RBM41: variants seen among roughly 807,000 people sequenced by gnomAD.
RBM41 encodes the protein RNA-binding protein 41.
Under a neutral mutation model 30.8 loss-of-function variants are expected in RBM41, and 14 were observed. The observed-to-expected ratio is 0.45, with a 90% CI of 0.30 to 0.71. The LOEUF (loss-of-function observed/expected upper bound fraction) is 0.71, where lower values mean the gene tolerates loss of function less well. Among genes scored for constraint, RBM41 ranks in the 30% least tolerant of loss-of-function variants. The probability of loss-of-function intolerance (pLI) is 0.08; values close to 1 mark genes in which losing one functional copy is unlikely to be tolerated. For synonymous variants in RBM41, 120 were observed against 110.1 expected (o/e 1.09, Z -0.56); for missense variants, 276 against 326.3 (o/e 0.85, Z 1.19).
In RBM41 at chrX:107,066,036, G is replaced by T. The variant is rs55953509; in HGVS notation, c.*1491C>A. On this transcript the variant is annotated 3_prime_UTR_variant, in exon 8 of 8. Coordinates refer to ENST00000685964, the MANE Select transcript of RBM41 (RefSeq NM_001324242.2). ...CCAGCAACAAATTCTCTTGGTTTTT[G>T]ATTATGTGAGATGTTTTATTTCACG... Among the ~76,000 whole-genome samples, 227 of 111,800 alleles carry T rather than the reference G, an allele frequency of 2.0e-3. No individual in the cohort carries two copies. The highest frequency in any genetic ancestry group is 7.1e-3 in the African/African-American group (220 of 30,837).
At chrX:107,100,182 G>T (rs1018798958) in intron 5 of RBM41, among the ~76,000 whole-genome samples, 1 of 112,134 alleles carries the variant, frequency 8.9e-6, no homozygotes, top group East Asian at 2.8e-4. Context: ...ACATAAATTG[G>T]CCAGGTGTGG....
intron 6 of RBM41, among the ~76,000 whole-genome samples, chrX:107,073,463 GCTA>G (rs1408829564): frequency 3.6e-5 from 4 of 111,989 alleles, no homozygotes; most frequent in Non-Finnish European, 7.5e-5. Context: ...AGTTAGGATG[GCTA>G]CTACTGGAAA....
chrX:107,057,293 AAT>A (rs1475442035), downstream of RBM41, among the ~76,000 whole-genome samples: 1 of 112,041 alleles, frequency 8.9e-6, no homozygotes, highest in African/African-American at 3.2e-5. Flanking sequence ...ATTTAAAAAA[AAT>A]AGATGTTTGC....
the RBM41 span, among the ~76,000 whole-genome samples, chrX:107,055,600 A>T: frequency 1.8e-5 from 2 of 112,806 alleles, no homozygotes; most frequent in African/African-American, 6.4e-5. Context: ...CTGGGATTAC[A>T]GGCGTGAGCC....
Position 107,062,384 on chromosome X carries a change from T to G in RBM41, c.*5143A>C, listed in dbSNP as rs1384427472. On this transcript the variant is annotated 3_prime_UTR_variant, in exon 8 of 8. Coordinates refer to ENST00000685964, the MANE Select transcript of RBM41 (RefSeq NM_001324242.2). ...AAAAGCAGAGGTGAAATTTTCTACC[T>G]AACAGGAAGCACTTCCTTCTAAAAA... is the stretch of plus-strand genomic sequence containing the variant. 9.0e-6 allele frequency among the ~76,000 whole-genome samples: 1 copy of G among 111,613 alleles called. No individual in the cohort carries two copies. Among genetic ancestry groups the G allele is most frequent in the Non-Finnish European group, 1.9e-5 (1 of 53,124 alleles).
intron 6 of RBM41, chrX:107,070,392 T>G: frequency 3.1e-6 from 1 of 327,250 alleles, no homozygotes; most frequent in South Asian, 2.7e-5. Flanking sequence ...GTAAGAAAGA[T>G]TTTGGAAGTC....
At position 107,066,713 on chromosome X, in the gene RBM41, A is replaced by G. The variant is rs1049969106; in HGVS notation, c.*814T>C. The G allele has an allele frequency of 1.3e-6, 1 of 751,301 alleles. No individual in the cohort carries two copies. Among genetic ancestry groups the G allele is most frequent in the Admixed American group, 8.9e-5 (1 of 11,259 alleles). 61.9% of individuals were successfully genotyped at this position (751,301 alleles called of 1,213,427 possible). ...ATTTTCCAGCAACCATAAACAAACA[A>G]CTGGGGGATTTGTGACTGGCATCCT... On this transcript the variant is annotated 3_prime_UTR_variant, in exon 8 of 8. Transcript: ENST00000685964.
intron 5 of RBM41, among the ~76,000 whole-genome samples, chrX:107,111,853 G>A (rs1280803274): frequency 1.8e-5 from 2 of 111,310 alleles, no homozygotes; most frequent in Non-Finnish European, 3.8e-5. Context: ...GTAGGATGGT[G>A]GTTGCCAGAG....
At chrX:107,081,918 T>C (rs1221300136) in intron 6 of RBM41, among the ~76,000 whole-genome samples, 2 of 112,092 alleles carry the variant, frequency 1.8e-5, no homozygotes, top group East Asian at 5.5e-4. Flanking sequence ...GTTTTTTGGC[T>C]GATTCTTTGG....
At chrX:107,084,115 CTTGTTTCCT>C (rs1921803872) in intron 6 of RBM41, among the ~76,000 whole-genome samples, 1 of 86,899 alleles carries the variant, frequency 1.2e-5, no homozygotes, top group African/African-American at 5.0e-5. Flanking sequence ...TTTTGTCTCC[CTTGTTTCCT>C]TTGGATTTAC....
chrX:107,115,850 T>C lies in RBM41; in HGVS notation c.318+12A>G. 2.6e-6 allele frequency: 3 copies of C among 1,162,761 alleles called. No homozygotes were observed. Among genetic ancestry groups the C allele is most frequent in the Non-Finnish European group, 3.4e-6 (3 of 871,039 alleles). ...GAGAAAAACCAACAAAAAAAAACATTACCCCACTCACCTTTTCACCAGAAA... is the reference window on the plus strand; with the variant it reads ...GAGAAAAACCAACAAAAAAAAACATCACCCCACTCACCTTTTCACCAGAAA... On this transcript the variant is annotated intron_variant, in intron 3 of 7. Coordinates refer to ENST00000685964, the MANE Select transcript of RBM41 (RefSeq NM_001324242.2).
In RBM41 at chrX:107,115,374, G is replaced by A. The variant is rs778494467; in HGVS notation, c.501C>T (p.Phe167=). 6.6e-6 allele frequency: 8 copies of A among 1,210,224 alleles called. No individual in the cohort carries two copies. Among genetic ancestry groups the A allele is most frequent in the Non-Finnish European group, 8.9e-6 (8 of 895,122 alleles). The change falls in exon 4 of 8, where the codon TTC becomes TTT. Residue 167 remains phenylalanine, a synonymous_variant. Transcript: ENST00000685964. ...SLFQGADRHS[F]LKALYYQAYH... ...TACCTTGGTAATAAAGAGCCTTAAG[G>A]AAGGAGTGACGATCAGCTCCCTGAA...
rs1292346263 is a variant in RBM41 at position 107,061,993 on chromosome X, G to GT, written c.*5533dup. ...GGTTTTGACAAATGCATATACTTAT[G>GT]TAACTACAATAAAGACACGGAAAAT... On this transcript the variant is annotated 3_prime_UTR_variant, in exon 8 of 8. Coordinates refer to ENST00000685964, the MANE Select transcript of RBM41 (RefSeq NM_001324242.2). Among the ~76,000 whole-genome samples, 2 of 111,981 alleles carry GT rather than the reference G, an allele frequency of 1.8e-5. No individual in the cohort carries two copies. The highest frequency in any genetic ancestry group is 3.8e-5 in the Non-Finnish European group (2 of 53,236).
In RBM41 at chrX:107,066,676, T is replaced by TA; in HGVS notation, c.*850dup. ...CAGTTTGTACTACTTCCTCTCTGTA[T>TA]ATTGTTTTTTTATTTTCCAGCAACC... is the stretch of plus-strand genomic sequence containing the variant. On this transcript the variant is annotated 3_prime_UTR_variant, in exon 8 of 8. Transcript: ENST00000685964. 1 of 745,095 alleles carries TA rather than the reference T, an allele frequency of 1.3e-6. No homozygotes were observed. The highest frequency in any genetic ancestry group is 1.6e-6 in the Non-Finnish European group (1 of 631,147). 61.4% of individuals were successfully genotyped at this position (745,095 alleles called of 1,213,427 possible).
At chrX:107,100,490 C>CA (rs112960964) in intron 5 of RBM41, among the ~76,000 whole-genome samples, 127 of 70,100 alleles carry the variant, frequency 1.8e-3, no homozygotes, top group Non-Finnish European at 3.4e-3. Context: ...GACTCTGTCT[C>CA]AAAAAAAAAA....
chrX:107,055,206 T>C, the RBM41 span, among the ~76,000 whole-genome samples: 2 of 113,069 alleles, frequency 1.8e-5, no homozygotes, highest in African/African-American at 6.4e-5. Context: ...AATATTCCAT[T>C]GTGTGGCTAT....
At chrX:107,112,307 A>G (rs1578820) in intron 5 of RBM41, among the ~76,000 whole-genome samples, 33,454 of 110,632 alleles carry the variant, frequency 0.3, 4,797 homozygotes, top group African/African-American at 0.54. Context: ...TAGCCATTAA[A>G]GAAATGCAAA....
chrX:107,053,905 G>A, the RBM41 span, among the ~76,000 whole-genome samples: 32,063 of 109,401 alleles, frequency 0.29, 4,570 homozygotes, highest in African/African-American at 0.53. Flanking sequence ...CATGCAAAGA[G>A]TGGCAGAGTT....
chrX:107,070,104 T>A, intron 6 of RBM41: 1 of 270,418 alleles, frequency 3.7e-6, no homozygotes, highest in South Asian at 3.5e-5. Flanking sequence ...GAAATAAATG[T>A]GAAGGGATGG....
Sources: gnomAD v4.1 joint callset for allele counts (sites outside exome capture counted in the v4.1 genomes callset) on GRCh38, gnomAD v4.1.1 for gene constraint, MANE v1.5 for transcripts, NCBI Gene and HGNC (gene_info 2026-07-23, HGNC 2026-07-21) for gene names.